CENPW: variants seen among roughly 807,000 people sequenced by gnomAD.
CENPW encodes the protein centromere protein W.
Under a neutral mutation model 11.1 loss-of-function variants are expected in CENPW, and 3 were observed. The ratio of observed to expected loss-of-function variants is 0.27; its 90% CI spans 0.12 to 0.70. CENPW has a LOEUF of 0.70. CENPW is among the 30% of genes least tolerant of loss of function. CENPW has a pLI of 0.77. For synonymous variants in CENPW, 38 were observed against 42.0 expected, an observed-to-expected ratio of 0.91 and a Z score of 0.37; for missense variants, 100 against 105.6, an observed-to-expected ratio of 0.95 and a Z score of 0.23.
downstream of CENPW, among the ~76,000 whole-genome samples, chr6:126,349,388 T>C (rs1780465086): frequency 6.6e-6 from 1 of 152,144 alleles, no homozygotes; most frequent in Non-Finnish European, 1.5e-5. Flanking sequence ...TTAGAAATGT[T>C]TCATTACCAA....
chr6:126,428,668 T>C, the CENPW span, among the ~76,000 whole-genome samples: 3 of 152,196 alleles, frequency 2.0e-5, no homozygotes, highest in Non-Finnish European at 4.4e-5. Flanking sequence ...AAAGAAAGTC[T>C]AAAGGCCTCT....
chr6:126,396,488 T>A, the CENPW span, among the ~76,000 whole-genome samples: 133 of 152,274 alleles, frequency 8.7e-4, 1 homozygote, highest in African/African-American at 3.2e-3. Context: ...AGAAATGTCA[T>A]CCAAGAGCCA....
At chr6:126,438,617 A>T in the CENPW span, among the ~76,000 whole-genome samples, 1 of 151,698 alleles carries the variant, frequency 6.6e-6, no homozygotes, top group Non-Finnish European at 1.5e-5. Flanking sequence ...AAAATAGCAC[A>T]GTTACTCTAC....
the CENPW span, among the ~76,000 whole-genome samples, chr6:126,430,257 A>C: frequency 6.6e-6 from 1 of 152,236 alleles, no homozygotes; most frequent in Non-Finnish European, 1.5e-5. Flanking sequence ...TATATTTACA[A>C]ACAAGTGATG....
At chr6:126,453,555 A>T in the CENPW span, among the ~76,000 whole-genome samples, 1 of 151,270 alleles carries the variant, frequency 6.6e-6, no homozygotes, top group East Asian at 1.9e-4. Flanking sequence ...TCCTTAAGGG[A>T]GTGCTAAATA....
At chr6:126,441,795 A>G in the CENPW span, among the ~76,000 whole-genome samples, 1 of 151,688 alleles carries the variant, frequency 6.6e-6, no homozygotes, top group Middle Eastern at 3.4e-3. Flanking sequence ...CGTTCCTTTC[A>G]GGGCTGAGTA....
At chr6:126,348,238 T>A (rs1261484953) in intron 2 of CENPW, among the ~76,000 whole-genome samples, 1 of 152,000 alleles carries the variant, frequency 6.6e-6, no homozygotes, top group Non-Finnish European at 1.5e-5. Flanking sequence ...GTTTTTAGAA[T>A]CTAGGCATGT....
chr6:126,381,075 C>G, the CENPW span, among the ~76,000 whole-genome samples: 1 of 152,218 alleles, frequency 6.6e-6, no homozygotes, highest in Admixed American at 6.5e-5. Flanking sequence ...TGATGTCTAA[C>G]TACTCTGGCC....
the CENPW span, among the ~76,000 whole-genome samples, chr6:126,392,538 C>T: frequency 6.6e-6 from 1 of 151,860 alleles, no homozygotes; most frequent in African/African-American, 2.4e-5. Flanking sequence ...TTATCAAACA[C>T]TTTTTCAGCA....
At chr6:126,354,065 T>G in the CENPW span, among the ~76,000 whole-genome samples, 43 of 148,636 alleles carry the variant, frequency 2.9e-4, no homozygotes, top group East Asian at 5.6e-3. Context: ...GGAGTATCTG[T>G]TTTTTTTTCT....
the CENPW span, among the ~76,000 whole-genome samples, chr6:126,465,855 T>C: frequency 6.6e-6 from 1 of 152,132 alleles, no homozygotes; most frequent in Admixed American, 6.6e-5. Context: ...GTAAAACTTA[T>C]ATTCACAGAC....
the CENPW span, among the ~76,000 whole-genome samples, chr6:126,392,039 T>C: frequency 3.3e-5 from 5 of 152,044 alleles, no homozygotes; most frequent in Admixed American, 6.6e-5. Flanking sequence ...AGGGATTGCA[T>C]TGAATCTGTA....
chr6:126,427,708 G>A, the CENPW span, among the ~76,000 whole-genome samples: 2 of 152,052 alleles, frequency 1.3e-5, no homozygotes, highest in South Asian at 4.1e-4. Flanking sequence ...ATTTTTTAAT[G>A]TGCAACTAAC....
chr6:126,464,275 T>A, the CENPW span, among the ~76,000 whole-genome samples: 1 of 152,148 alleles, frequency 6.6e-6, no homozygotes, highest in South Asian at 2.1e-4. Flanking sequence ...GTCATATTCA[T>A]GCCTAATGAA....
the CENPW span, among the ~76,000 whole-genome samples, chr6:126,357,977 A>G: frequency 5.3e-5 from 8 of 152,182 alleles, no homozygotes; most frequent in East Asian, 1.5e-3. Flanking sequence ...TTTTGTGGCT[A>G]CCATAAATGG....
the CENPW span, among the ~76,000 whole-genome samples, chr6:126,355,497 T>A: frequency 6.6e-6 from 1 of 152,082 alleles, no homozygotes; most frequent in Non-Finnish European, 1.5e-5. Flanking sequence ...CATTTTATGC[T>A]CTTGGGGACA....
the CENPW span, among the ~76,000 whole-genome samples, chr6:126,365,300 G>T: frequency 6.6e-6 from 1 of 152,158 alleles, no homozygotes; most frequent in Non-Finnish European, 1.5e-5. Flanking sequence ...ATTACTGTAA[G>T]GAAATACCTG....
chr6:126,340,311 T>C lies in CENPW; in HGVS notation c.38T>C (p.Ile13Thr). ...ACCATAGTCTCCCAGAGGAAGCAGA[T>C]AAAGCGGAAGGCTCCCCGTGGCTTT... ...LSTIVSQRKQ[I>T]KRKAPRGFLK... Residue 13 changes from isoleucine (I) to threonine (T), a missense_variant, in exon 1 of 3, where the codon ATA becomes ACA. Transcript: ENST00000368328. 1 of 1,614,004 alleles carries C rather than the reference T, an allele frequency of 6.2e-7. No homozygotes were observed. Among genetic ancestry groups the C allele is most frequent in the Non-Finnish European group, 8.5e-7 (1 of 1,180,030 alleles).
At chr6:126,437,427 A>G in the CENPW span, among the ~76,000 whole-genome samples, 1 of 151,932 alleles carries the variant, frequency 6.6e-6, no homozygotes, top group Admixed American at 6.6e-5. Flanking sequence ...CATGGCCCTT[A>G]TAACTTAAGC....
Sources: allele counts gnomAD v4.1 joint callset (sites outside exome capture counted in the v4.1 genomes callset), GRCh38; gene constraint gnomAD v4.1.1; transcripts MANE v1.5; gene names NCBI Gene and HGNC (gene_info 2026-07-23, HGNC 2026-07-21).